The following CNTLN variants were observed in gnomAD, a reference collection of about 807,000 sequenced individuals.
The protein encoded by CNTLN is centlein.
In CNTLN, 212 loss-of-function variants were observed where a neutral mutation model predicts 180.0. The ratio of observed to expected loss-of-function variants is 1.18; its 90% CI spans 1.05 to 1.32. CNTLN has a LOEUF of 1.32. CNTLN is among the 40% of genes most tolerant of loss of function. The pLI is 0.00. For missense variants in CNTLN, 2,095 were observed against 1,610.9 expected, an observed-to-expected ratio of 1.30 and a Z score of -5.14; for synonymous variants, 722 against 563.1, an observed-to-expected ratio of 1.28 and a Z score of -3.99.
At chr9:17,461,782 C>T (rs890168799) in intron 19 of CNTLN, among the ~76,000 whole-genome samples, 5 of 151,352 alleles carry the variant, frequency 3.3e-5, no homozygotes, top group African/African-American at 1.2e-4. Context: ...ACCTTTAAAA[C>T]TTAACAAATG....
intron 6 of CNTLN, among the ~76,000 whole-genome samples, chr9:17,291,990 C>G (rs574798122): frequency 6.6e-6 from 1 of 152,190 alleles, no homozygotes; most frequent in East Asian, 1.9e-4. Flanking sequence ...GCAAGGTAGG[C>G]CTGGTGGTGA....
At chr9:17,480,975 C>T (rs1832613511) in intron 23 of CNTLN, among the ~76,000 whole-genome samples, 1 of 152,176 alleles carries the variant, frequency 6.6e-6, no homozygotes. Context: ...CTTGCCTAGA[C>T]AGGGAGCCAA....
intron 23 of CNTLN, among the ~76,000 whole-genome samples, chr9:17,479,796 A>G (rs1479848935): frequency 6.6e-6 from 1 of 152,228 alleles, no homozygotes; most frequent in African/African-American, 2.4e-5. Context: ...AAATATACCA[A>G]TAACTATAAT....
At chr9:17,302,317 C>T (rs979983969) in intron 7 of CNTLN, among the ~76,000 whole-genome samples, 10 of 152,218 alleles carry the variant, frequency 6.6e-5, no homozygotes, top group African/African-American at 2.4e-4. Flanking sequence ...CCCACCTTAG[C>T]CTCCCCAGTA....
rs376268060 is a variant in CNTLN at position 17,135,274 on chromosome 9, G to A, written c.209G>A (p.Gly70Glu). Residue 70 changes from glycine to glutamate, a missense_variant, in exon 1 of 26, where the codon GGG (glycine) becomes GAG (glutamate). Coordinates refer to ENST00000380647, the MANE Select transcript of CNTLN (RefSeq NM_017738.4). ...EEGSGGRRGP[G>E]GAAPAHAPLL... ...GGGTCAGGGGGCCGGCGAGGGCCTG[G>A]GGGGGCAGCTCCGGCTCATGCTCCC... The A allele has an allele frequency of 2.5e-6, 4 of 1,602,314 alleles. No homozygotes were observed. Among genetic ancestry groups the A allele is most frequent in the African/African-American group, 2.7e-5 (2 of 74,986 alleles).
At chr9:17,172,573 T>A (rs1820485848) in intron 2 of CNTLN, among the ~76,000 whole-genome samples, 1 of 152,216 alleles carries the variant, frequency 6.6e-6, no homozygotes, top group Non-Finnish European at 1.5e-5. Flanking sequence ...TCTTACTCTG[T>A]CATCTTGCTG....
At chr9:17,488,287 C>T (rs1204336194) in intron 25 of CNTLN, among the ~76,000 whole-genome samples, 1 of 150,960 alleles carries the variant, frequency 6.6e-6, no homozygotes, top group African/African-American at 2.4e-5. Context: ...TGTAGATGTG[C>T]AGGTGCTAGA....
chr9:17,470,515 A>G (rs1282472415), intron 23 of CNTLN, among the ~76,000 whole-genome samples: 1 of 151,890 alleles, frequency 6.6e-6, no homozygotes, highest in Non-Finnish European at 1.5e-5. Flanking sequence ...AGATTATGGT[A>G]GAGGTGGAGT....
intron 18 of CNTLN, among the ~76,000 whole-genome samples, chr9:17,441,479 G>T (rs780931057): frequency 2.0e-5 from 3 of 151,742 alleles, no homozygotes; most frequent in Non-Finnish European, 4.4e-5. Context: ...GTTGTTATGA[G>T]CTTAAAAGAT....
At chr9:17,354,332 C>T (rs1822636704) in intron 12 of CNTLN, among the ~76,000 whole-genome samples, 1 of 152,198 alleles carries the variant, frequency 6.6e-6, no homozygotes, top group Non-Finnish European at 1.5e-5. Context: ...CGCACGGCAC[C>T]GGGACTGGCA....
chr9:17,151,747 C>T (rs907148176), intron 2 of CNTLN, among the ~76,000 whole-genome samples: 1 of 152,176 alleles, frequency 6.6e-6, no homozygotes, highest in African/African-American at 2.4e-5. Flanking sequence ...ACCAGCTCCT[C>T]TTTGTACCTC....
chr9:17,424,730 G>A lies in CNTLN; in HGVS notation c.3114+8541G>A, dbSNP rs1587958780. Among the ~76,000 whole-genome samples the A allele has an allele frequency of 3.3e-5, 5 of 152,112 alleles. No homozygotes were observed. The South Asian group carries it at 1.0e-3, about 32-fold the overall frequency. On this transcript the variant is annotated intron_variant, in intron 18 of 25. Coordinates refer to ENST00000380647, the MANE Select transcript of CNTLN (RefSeq NM_017738.4). Reference sequence around the variant, plus strand: ...AGGATTACATAAGGTCATCAGCAGGGTCCCTATGATGGAACTGGTAGCTTT... The same window carrying A: ...AGGATTACATAAGGTCATCAGCAGGATCCCTATGATGGAACTGGTAGCTTT...
chr9:17,205,839 T>G (rs764074474), intron 2 of CNTLN, among the ~76,000 whole-genome samples: 1 of 152,226 alleles, frequency 6.6e-6, no homozygotes, highest in Non-Finnish European at 1.5e-5. Context: ...CTGCTTTTTC[T>G]TGACGGACTA....
intron 18 of CNTLN, 128 bp downstream of exon 18, chr9:17,416,317 G>C: frequency 1.5e-6 from 1 of 664,394 alleles, no homozygotes; most frequent in Non-Finnish European, 2.4e-6. Flanking sequence ...CCCAGGCACT[G>C]TTTACTAGTG....
chr9:17,156,771 G>GT (rs1819322079), intron 2 of CNTLN, among the ~76,000 whole-genome samples: 1 of 152,130 alleles, frequency 6.6e-6, no homozygotes, highest in East Asian at 1.9e-4. Context: ...AATAAAGCAA[G>GT]TCACACAAAT....
intron 25 of CNTLN, among the ~76,000 whole-genome samples, chr9:17,488,387 A>G (rs1399474954): frequency 6.6e-6 from 1 of 152,172 alleles, no homozygotes; most frequent in East Asian, 1.9e-4. Context: ...AGTGGCTGAC[A>G]CATCAAAGAA....
At chr9:17,372,821 A>G (rs1408705959) in intron 13 of CNTLN, among the ~76,000 whole-genome samples, 1 of 152,188 alleles carries the variant, frequency 6.6e-6, no homozygotes, top group Non-Finnish European at 1.5e-5. Flanking sequence ...GGATGGTTCA[A>G]CATTTGGACA....
At chr9:17,511,600 C>A in the CNTLN span, among the ~76,000 whole-genome samples, 1 of 151,912 alleles carries the variant, frequency 6.6e-6, no homozygotes, top group Non-Finnish European at 1.5e-5. Context: ...TCCTTTGCCA[C>A]ACGAGTCTCT....
At chr9:17,216,702 C>G (rs939445483) in intron 2 of CNTLN, among the ~76,000 whole-genome samples, 2 of 152,098 alleles carry the variant, frequency 1.3e-5, no homozygotes, top group Non-Finnish European at 2.9e-5. Flanking sequence ...GTTATATTCT[C>G]TCACTACTGG....
Sources: allele counts gnomAD v4.1 joint callset (sites outside exome capture counted in the v4.1 genomes callset), GRCh38; gene constraint gnomAD v4.1.1; transcripts MANE v1.5; gene names NCBI Gene and HGNC (gene_info 2026-07-23, HGNC 2026-07-21).